The following ALK variants were observed in gnomAD, a reference collection of about 807,000 sequenced individuals.
ALK encodes ALK tyrosine kinase receptor.
A neutral mutation model predicts 163.1 loss-of-function variants in ALK; 74 were observed. The observed-to-expected ratio is 0.45, with a 90% confidence interval of 0.38 to 0.55. The LOEUF is 0.55. Ranked by LOEUF, ALK falls within the 20% of genes least tolerant of loss-of-function variation. The pLI is 0.00. For missense variants in ALK, 2,063 were observed against 2,105.3 expected (o/e 0.98, Z 0.39); for synonymous variants, 960 against 843.2 (o/e 1.14, Z -2.40).
intron 3 of ALK, among the ~76,000 whole-genome samples, chr2:29,611,291 C>A (rs1324814526): frequency 2.6e-5 from 4 of 152,168 alleles, no homozygotes; most frequent in Non-Finnish European, 5.9e-5. Context: ...TTCTCTGGCT[C>A]TCCTTAAGGT....
At chr2:29,489,473 A>T (rs1175576737) in intron 4 of ALK, among the ~76,000 whole-genome samples, 1 of 151,882 alleles carries the variant, frequency 6.6e-6, no homozygotes, top group Non-Finnish European at 1.5e-5. Context: ...CTAAGTTTTA[A>T]TTTTTCTGTA....
chr2:29,795,985 T>C (rs12997221), intron 1 of ALK, among the ~76,000 whole-genome samples: 88,384 of 152,096 alleles, frequency 0.58, 30,694 homozygotes, highest in Non-Finnish European at 0.78. Flanking sequence ...TGCCCTTCTT[T>C]TCCTTCCTAA....
intron 9 of ALK, among the ~76,000 whole-genome samples, chr2:29,285,159 C>T (rs565566742): frequency 5.9e-4 from 90 of 152,324 alleles, no homozygotes; most frequent in African/African-American, 2.1e-3. Flanking sequence ...ACTGAGGCTC[C>T]AATCACTTGC....
chr2:29,396,836 G>GTTTTTGTTTTTTTT (rs1669318936), intron 4 of ALK, among the ~76,000 whole-genome samples: 1 of 46,604 alleles, frequency 2.1e-5, no homozygotes, highest in Non-Finnish European at 3.5e-5. Context: ...TGTTACTATG[G>GTTTTTGTTTTTTTT]TTTTTTTTTT....
At position 29,278,450 on chromosome 2, in the gene ALK, G is replaced by A. The variant is rs148456821; in HGVS notation, c.1818-2954C>T. On this transcript the variant is annotated intron_variant, in intron 9 of 28. Coordinates refer to ENST00000389048, the MANE Select transcript of ALK (RefSeq NM_004304.5). ...ACCAGGAGAGGAGGCAGAGGCAGGG[G>A]AGACAGCATGAGAGGCATTTCTGCA... is the stretch of plus-strand genomic sequence containing the variant. Among the ~76,000 whole-genome samples, 32 of 152,278 alleles carry A rather than the reference G, an allele frequency of 2.1e-4. No individual in the cohort carries two copies. In the East Asian group the frequency reaches 5.0e-3, roughly 24 times the overall value.
At chr2:29,637,274 C>T (rs899637048) in intron 3 of ALK, among the ~76,000 whole-genome samples, 2 of 152,110 alleles carry the variant, frequency 1.3e-5, no homozygotes, top group African/African-American at 4.8e-5. Context: ...ATTATTCATA[C>T]GTGTGAAAAC....
At chr2:29,284,033 A>G (rs1263212717) in intron 9 of ALK, among the ~76,000 whole-genome samples, 2 of 152,204 alleles carry the variant, frequency 1.3e-5, no homozygotes, top group South Asian at 2.1e-4. Flanking sequence ...TGTGCCCCCT[A>G]TAGAGCTAGA....
At chr2:29,562,915 G>GGGA (rs919243223) in intron 3 of ALK, among the ~76,000 whole-genome samples, 12 of 152,044 alleles carry the variant, frequency 7.9e-5, no homozygotes, top group African/African-American at 2.9e-4. Context: ...CTTCTATTTG[G>GGGA]GGAAATGATT....
intron 4 of ALK, among the ~76,000 whole-genome samples, chr2:29,503,857 C>T (rs749700479): frequency 6.6e-6 from 1 of 151,976 alleles, no homozygotes; most frequent in Non-Finnish European, 1.5e-5. Flanking sequence ...TGCTGTGTTA[C>T]TGTGGATATA....
intron 1 of ALK, among the ~76,000 whole-genome samples, chr2:29,834,246 C>T (rs1380829484): frequency 6.6e-6 from 1 of 152,120 alleles, no homozygotes; most frequent in African/African-American, 2.4e-5. Flanking sequence ...CCTGAGAGCT[C>T]TAATCACACA....
chr2:29,820,776 A>C (rs1171273684), intron 1 of ALK, among the ~76,000 whole-genome samples: 2 of 152,220 alleles, frequency 1.3e-5, no homozygotes, highest in East Asian at 3.9e-4. Context: ...TCTTCCTCTT[A>C]GAAGAACAGA....
At chr2:29,275,379 T>C in intron 10 of ALK, 23 bp downstream of exon 10, 1 of 1,612,998 alleles carries the variant, frequency 6.2e-7, no homozygotes. Context: ...GGGGACAGAG[T>C]GCTGGGGTCA....
intron 5 of ALK, among the ~76,000 whole-genome samples, chr2:29,337,178 C>T (rs1167877318): frequency 6.6e-6 from 1 of 152,212 alleles, no homozygotes; most frequent in Non-Finnish European, 1.5e-5. Flanking sequence ...TTAAGCCTGG[C>T]AGAGACCAGT....
At chr2:29,537,345 A>T (rs1184652837) in intron 3 of ALK, among the ~76,000 whole-genome samples, 1 of 152,236 alleles carries the variant, frequency 6.6e-6, no homozygotes, top group African/African-American at 2.4e-5. Flanking sequence ...GCTCAGCCTC[A>T]TGACACTGCT....
intron 2 of ALK, among the ~76,000 whole-genome samples, chr2:29,703,424 A>G (rs1678806767): frequency 6.6e-6 from 1 of 151,978 alleles, no homozygotes; most frequent in South Asian, 2.1e-4. Flanking sequence ...TTGAGATTTG[A>G]CTCTAATTCT....
intron 1 of ALK, among the ~76,000 whole-genome samples, chr2:29,892,786 A>G (rs1667178139): frequency 6.6e-6 from 1 of 152,136 alleles, no homozygotes; most frequent in Non-Finnish European, 1.5e-5. Flanking sequence ...CTGCTCCCAC[A>G]CACATACTTC....
At chr2:29,387,932 A>G (rs1448607267) in intron 4 of ALK, among the ~76,000 whole-genome samples, 1 of 152,190 alleles carries the variant, frequency 6.6e-6, no homozygotes, top group Non-Finnish European at 1.5e-5. Flanking sequence ...TATACAGTCA[A>G]TTGCATTTCA....
chr2:29,586,641 T>A (rs149562939), intron 3 of ALK, among the ~76,000 whole-genome samples: 1 of 152,308 alleles, frequency 6.6e-6, no homozygotes, highest in African/African-American at 2.4e-5. Flanking sequence ...TAGGAACACT[T>A]TCAACACTCA....
At chr2:29,863,474 T>C (rs1666347202) in intron 1 of ALK, among the ~76,000 whole-genome samples, 1 of 152,156 alleles carries the variant, frequency 6.6e-6, no homozygotes, top group South Asian at 2.1e-4. Flanking sequence ...AAAAGGTATT[T>C]CTCAAAAGAA....
Sources: allele counts gnomAD v4.1 joint callset (sites outside exome capture counted in the v4.1 genomes callset), GRCh38; gene constraint gnomAD v4.1.1; transcripts MANE v1.5; gene names NCBI Gene and HGNC (gene_info 2026-07-23, HGNC 2026-07-21).